SLC44A3: variants seen among roughly 807,000 people sequenced by gnomAD.
The protein encoded by SLC44A3 is choline transporter-like protein 3.
In SLC44A3, 74 loss-of-function variants were observed where a neutral mutation model predicts 75.4. The observed-to-expected ratio is 0.98, with a 90% CI of 0.81 to 1.19. The LOEUF is 1.19. Ranked by LOEUF, SLC44A3 falls within the 50% of genes most tolerant of loss-of-function variation. The probability of loss-of-function intolerance (pLI) is 0.00; values close to 1 mark genes in which losing one functional copy is unlikely to be tolerated. For synonymous variants in SLC44A3, 310 were observed against 296.9 expected, an observed-to-expected ratio of 1.04 and a Z score of -0.45; for missense variants, 700 against 778.6, an observed-to-expected ratio of 0.90 and a Z score of 1.20.
rs565915527 is a variant in SLC44A3 at position 94,866,236 on chromosome 1, C to T, written c.1396-1095C>T. Among the ~76,000 whole-genome samples the T allele has an allele frequency of 1.5e-3, 230 of 152,234 alleles. 2 individuals carry two copies. The highest frequency in any genetic ancestry group is 5.2e-3 in the African/African-American group (215 of 41,560). ...AGATAATCATAAATTAATGAGCAGC[C>T]GGGAGCTTGCTCTCCCTCCTAAAGC... On this transcript the variant is annotated intron_variant, in intron 11 of 14. Transcript: ENST00000271227.
In SLC44A3 at chr1:94,841,825, C is replaced by G. The variant is rs58843108; in HGVS notation, c.761-175C>G. On this transcript the variant is annotated intron_variant, in intron 7 of 14. Coordinates refer to ENST00000271227, the MANE Select transcript of SLC44A3 (RefSeq NM_001114106.3). ...CCTCTATGGGTTGCCCTGGCTCTGCCCAGCTTCTCCAGAGGGCAGCAGTTG... is the reference window on the plus strand; with the variant it reads ...CCTCTATGGGTTGCCCTGGCTCTGCGCAGCTTCTCCAGAGGGCAGCAGTTG... Among the ~76,000 whole-genome samples the G allele has an allele frequency of 5.3e-3, 808 of 152,274 alleles. 8 individuals carry two copies. Among genetic ancestry groups the G allele is most frequent in the African/African-American group, 0.018 (761 of 41,560 alleles).
At chr1:94,847,521 C>G (rs781208877) in intron 9 of SLC44A3, among the ~76,000 whole-genome samples, 2 of 152,146 alleles carry the variant, frequency 1.3e-5, no homozygotes, top group African/African-American at 4.8e-5. Context: ...ATCAGAGGTT[C>G]TATAACCAAG....
chr1:94,864,686 G>GCTTT, intron 10 of SLC44A3, 57 bp from the exon 11 acceptor site: 2 of 1,556,602 alleles, frequency 1.3e-6, no homozygotes, highest in Non-Finnish European at 8.7e-7. Context: ...GAACCAGAGA[G>GCTTT]CTTTTGCTGC....
chr1:94,871,619 T>C (rs370774309), intron 12 of SLC44A3, among the ~76,000 whole-genome samples: 47 of 152,366 alleles, frequency 3.1e-4, no homozygotes, highest in African/African-American at 9.9e-4. Flanking sequence ...CCAGCCATGA[T>C]GTTGGCTTTA....
At chr1:94,858,531 G>A (rs962447315) in intron 10 of SLC44A3, among the ~76,000 whole-genome samples, 23 of 152,178 alleles carry the variant, frequency 1.5e-4, no homozygotes, top group African/African-American at 5.5e-4. Context: ...AGAAAGAGAA[G>A]TTTACTCTTC....
chr1:94,889,419 A>C (rs1264554921), intron 12 of SLC44A3: 2 of 152,190 alleles, frequency 1.3e-5, no homozygotes, highest in Non-Finnish European at 2.9e-5. Context: ...CAATGCAAGT[A>C]GCATTTTTAA....
At chr1:94,857,618 G>A (rs915936516) in intron 10 of SLC44A3, 118 bp downstream of exon 10, 7 of 1,067,572 alleles carry the variant, frequency 6.6e-6, no homozygotes, top group Non-Finnish European at 7.7e-6. Flanking sequence ...AAGTTGGCAA[G>A]AATAAAAGAG....
intron 14 of SLC44A3, among the ~76,000 whole-genome samples, chr1:94,894,109 C>A (rs3860361): frequency 2.6e-5 from 4 of 151,096 alleles, no homozygotes; most frequent in Admixed American, 1.3e-4. Context: ...ACCTCCCCCC[C>A]AAAAAAAATC....
chr1:94,836,683 A>G (rs1662833793), intron 5 of SLC44A3: 1 of 152,198 alleles, frequency 6.6e-6, no homozygotes, highest in Non-Finnish European at 1.5e-5. Flanking sequence ...TGAGACATCA[A>G]GGCAGGTGGA....
chr1:94,879,251 C>T (rs1437625915), intron 12 of SLC44A3, among the ~76,000 whole-genome samples: 2 of 150,936 alleles, frequency 1.3e-5, no homozygotes. Flanking sequence ...GGGCAAAGGA[C>T]GGCCGGGCGC....
chr1:94,872,765 G>A (rs1667901960), intron 12 of SLC44A3, among the ~76,000 whole-genome samples: 1 of 152,220 alleles, frequency 6.6e-6, no homozygotes, highest in African/African-American at 2.4e-5. Flanking sequence ...GCACAGTGCT[G>A]CCCCACAGCA....
intron 9 of SLC44A3, among the ~76,000 whole-genome samples, chr1:94,846,077 G>A (rs1034468592): frequency 1.3e-5 from 2 of 151,670 alleles, no homozygotes; most frequent in Non-Finnish European, 2.9e-5. Context: ...AACCTGGGAG[G>A]TGGAGGTTGC....
At chr1:94,873,320 A>G (rs1459930807) in intron 12 of SLC44A3, among the ~76,000 whole-genome samples, 1 of 152,194 alleles carries the variant, frequency 6.6e-6, no homozygotes, top group African/African-American at 2.4e-5. Context: ...CCCTCTAGAT[A>G]AGATCTAGTA....
chr1:94,851,004 GA>G (rs2101158340), intron 9 of SLC44A3, among the ~76,000 whole-genome samples: 1 of 152,276 alleles, frequency 6.6e-6, no homozygotes, highest in South Asian at 2.1e-4. Flanking sequence ...CTGCATTTCA[GA>G]AGTTCCTGGT....
intron 7 of SLC44A3, 121 bp from the exon 8 acceptor site, chr1:94,841,879 C>T: frequency 1.5e-6 from 2 of 1,360,226 alleles, no homozygotes; most frequent in Non-Finnish European, 2.0e-6. Flanking sequence ...TTGGGACCCA[C>T]TGCCAGAGCA....
chr1:94,873,775 C>A (rs1049121226), intron 12 of SLC44A3, among the ~76,000 whole-genome samples: 3 of 152,222 alleles, frequency 2.0e-5, no homozygotes, highest in Non-Finnish European at 4.4e-5. Flanking sequence ...CTCCTCCTTT[C>A]TGCTCTCCCA....
At chr1:94,882,925 A>G (rs1048598149) in intron 12 of SLC44A3, among the ~76,000 whole-genome samples, 1 of 148,774 alleles carries the variant, frequency 6.7e-6, no homozygotes, top group African/African-American at 2.5e-5. Flanking sequence ...TAATCCAACC[A>G]TTCTGCTGAA....
rs1660497000 is a variant in SLC44A3 at position 94,821,008 on chromosome 1, C to A, written c.87C>A (p.Cys29Ter). The change falls in exon 2 of 15, where the codon TGC (cysteine) becomes TGA (stop). Residue 29 changes from cysteine (C) to a stop codon, truncating the protein, a stop_gained. Coordinates refer to ENST00000271227, the MANE Select transcript of SLC44A3 (RefSeq NM_001114106.3). LOFTEE classifies it high-confidence loss of function. ...GGCGACCCCAGATTTATAGGAAATG[C>A]ACAGATACGGCATGGTTATTCCTGT... ...REWRPQIYRKCTDTAWLFLFF... is the reference protein window; with the variant it reads ...REWRPQIYRK 1.3e-6 allele frequency: 2 copies of A among 1,551,392 alleles called. No individual in the cohort carries two copies. Among genetic ancestry groups the A allele is most frequent in the African/African-American group, 2.7e-5 (2 of 72,998 alleles).
intron 5 of SLC44A3, among the ~76,000 whole-genome samples, chr1:94,832,875 G>A (rs1307660574): frequency 1.3e-5 from 2 of 152,180 alleles, no homozygotes; most frequent in Non-Finnish European, 2.9e-5. Context: ...GCTGAGATGG[G>A]AGGATCTCTT....
Sources: allele counts gnomAD v4.1 joint callset (sites outside exome capture counted in the v4.1 genomes callset), GRCh38; gene constraint gnomAD v4.1.1; transcripts MANE v1.5; gene names NCBI Gene and HGNC (gene_info 2026-07-23, HGNC 2026-07-21).